Variants in FER observed in about 807,000 individuals in gnomAD.
The protein encoded by FER is FER tyrosine kinase.
A neutral mutation model predicts 111.0 loss-of-function variants in FER; 63 were observed. That is an observed-to-expected ratio of 0.57 (90% CI 0.46 to 0.70). The LOEUF (loss-of-function observed/expected upper bound fraction) is 0.70, where lower values mean the gene tolerates loss of function less well. Among genes scored for constraint, FER ranks in the 30% least tolerant of loss-of-function variants. The probability of loss-of-function intolerance (pLI) is 0.00; values close to 1 mark genes in which losing one functional copy is unlikely to be tolerated. For missense variants in FER, 914 were observed against 954.0 expected, an observed-to-expected ratio of 0.96 and a Z score of 0.55; for synonymous variants, 327 against 313.9, an observed-to-expected ratio of 1.04 and a Z score of -0.44.
intron 17 of FER, among the ~76,000 whole-genome samples, chr5:109,139,322 C>G (rs941531055): frequency 8.8e-5 from 13 of 147,940 alleles, no homozygotes; most frequent in African/African-American, 3.3e-4. Context: ...AAGGCAGGGC[C>G]TATGTCTTTA....
chr5:108,994,418 G>A (rs1179629828), intron 13 of FER, among the ~76,000 whole-genome samples: 1 of 152,164 alleles, frequency 6.6e-6, no homozygotes, highest in African/African-American at 2.4e-5. Flanking sequence ...TCAGATGGTT[G>A]TAGATGTGCA....
At chr5:108,936,866 G>C (rs1451350715) in intron 10 of FER, among the ~76,000 whole-genome samples, 1 of 151,794 alleles carries the variant, frequency 6.6e-6, no homozygotes, top group Non-Finnish European at 1.5e-5. Flanking sequence ...AAATGCAAAG[G>C]AAAATATCTT....
At chr5:109,095,995 A>G (rs1223316711) in intron 16 of FER, among the ~76,000 whole-genome samples, 1 of 152,120 alleles carries the variant, frequency 6.6e-6, no homozygotes, top group Non-Finnish European at 1.5e-5. Flanking sequence ...TAAGATCCCT[A>G]TGATTCAATG....
At chr5:108,802,238 T>C (rs1580621222) in intron 3 of FER, among the ~76,000 whole-genome samples, 1 of 152,286 alleles carries the variant, frequency 6.6e-6, no homozygotes, top group Admixed American at 6.5e-5. Flanking sequence ...TTTAAAAGGC[T>C]ACTGGGATTT....
intron 2 of FER, among the ~76,000 whole-genome samples, chr5:108,774,188 T>C (rs547455868): frequency 3.3e-5 from 5 of 152,248 alleles, no homozygotes; most frequent in African/African-American, 1.2e-4. Context: ...TTGCTGGGGA[T>C]GATGGCTTGC....
At chr5:109,170,978 G>A (rs530489183) in intron 17 of FER, among the ~76,000 whole-genome samples, 6 of 152,262 alleles carry the variant, frequency 3.9e-5, no homozygotes, top group South Asian at 2.1e-4. Flanking sequence ...CCATGGACCC[G>A]TGGTTCCTCC....
chr5:109,100,497 G>C lies in FER; in HGVS notation c.2026G>C (p.Glu676Gln). ...CGCTGCTGCTGGTATGTTGTATCTC[G>C]AGAGTAAAAACTGTATACACAGGTA... The part of the protein sequence containing the change: ...LDAAAGMLYL[E>Q]SKNCIHRDLA... Residue 676 changes from glutamate to glutamine, a missense_variant, in exon 17 of 20, where the codon GAG becomes CAG. By Grantham distance (29) the Glu-to-Gln change is conservative. Coordinates refer to ENST00000281092, the MANE Select transcript of FER (RefSeq NM_005246.4). The C allele has an allele frequency of 6.2e-7, 1 of 1,610,752 alleles. No homozygotes were observed. Among genetic ancestry groups the C allele is most frequent in the South Asian group, 1.1e-5 (1 of 90,912 alleles).
At chr5:108,826,491 G>C (rs77499893) in intron 3 of FER, among the ~76,000 whole-genome samples, 1 of 152,060 alleles carries the variant, frequency 6.6e-6, no homozygotes. Flanking sequence ...GGGCTGAAAC[G>C]GTCCTCTCGC....
At chr5:108,916,438 G>A (rs185784474) in intron 10 of FER, among the ~76,000 whole-genome samples, 17,121 of 152,034 alleles carry the variant, frequency 0.11, 1,001 homozygotes, top group South Asian at 0.15. Flanking sequence ...TTAATAATTT[G>A]GGTACCCCCC....
At chr5:109,139,823 G>A (rs1753327918) in intron 17 of FER, among the ~76,000 whole-genome samples, 1 of 152,096 alleles carries the variant, frequency 6.6e-6, no homozygotes, top group South Asian at 2.1e-4. Context: ...ATTGGCTGAA[G>A]TAAGTATTGG....
chr5:108,861,610 C>T (rs1763527721), intron 5 of FER, among the ~76,000 whole-genome samples: 2 of 152,030 alleles, frequency 1.3e-5, no homozygotes, highest in Admixed American at 1.3e-4. Context: ...AGATAGGATA[C>T]TGTGTCTGTT....
intron 14 of FER, among the ~76,000 whole-genome samples, 164 bp from the exon 15 acceptor site, chr5:109,044,516 A>G (rs1384411900): frequency 6.6e-6 from 1 of 152,110 alleles, no homozygotes; most frequent in Admixed American, 6.5e-5. Flanking sequence ...TGTCCTAGCC[A>G]TAGAGTAAAG....
intron 2 of FER, among the ~76,000 whole-genome samples, chr5:108,796,289 T>G (rs1028697495): frequency 1.3e-5 from 2 of 152,196 alleles, no homozygotes; most frequent in Non-Finnish European, 2.9e-5. Context: ...TCACCCATGT[T>G]GCTACCAGTA....
At chr5:108,779,537 T>G (rs1413160098) in intron 2 of FER, among the ~76,000 whole-genome samples, 1 of 152,198 alleles carries the variant, frequency 6.6e-6, no homozygotes, top group Non-Finnish European at 1.5e-5. Flanking sequence ...AAGTATGTCA[T>G]TTTGGAGGCT....
chr5:109,052,283 G>A, intron 16 of FER: 1 of 1,608,442 alleles, frequency 6.2e-7, no homozygotes, highest in South Asian at 1.1e-5. Flanking sequence ...TCACAACCAG[G>A]TTGCTGAGTG....
chr5:109,045,281 G>T (rs1771791597), intron 15 of FER, among the ~76,000 whole-genome samples: 1 of 135,990 alleles, frequency 7.4e-6, no homozygotes, highest in African/African-American at 2.9e-5. Context: ...ATACATTTAA[G>T]TATATACATT....
At chr5:108,995,793 T>G (rs200926743) in intron 13 of FER, among the ~76,000 whole-genome samples, 1 of 152,336 alleles carries the variant, frequency 6.6e-6, no homozygotes, top group South Asian at 2.1e-4. Flanking sequence ...GTAATGGGAT[T>G]GCTGGGTCAA....
At chr5:108,873,325 T>TG (rs1454140560) in intron 8 of FER, among the ~76,000 whole-genome samples, 1 of 151,944 alleles carries the variant, frequency 6.6e-6, no homozygotes, top group Non-Finnish European at 1.5e-5. Context: ...GTGTTTTTTT[T>TG]GTAGAGATGG....
intron 18 of FER, among the ~76,000 whole-genome samples, chr5:109,185,436 C>CCTAATTGCTTTAAGTTTGT (rs1184761159): frequency 1.3e-5 from 2 of 151,348 alleles, no homozygotes; most frequent in African/African-American, 4.8e-5. Flanking sequence ...AAGAAACTTT[C>CCTAATTGCTTTAAGTTTGT]CTAATTGCTT....
Sources: allele counts gnomAD v4.1 joint callset (sites outside exome capture counted in the v4.1 genomes callset), GRCh38; gene constraint gnomAD v4.1.1; transcripts MANE v1.5; gene names NCBI Gene and HGNC (gene_info 2026-07-23, HGNC 2026-07-21).